DDC: variants seen among roughly 807,000 people sequenced by gnomAD.
The protein encoded by DDC is aromatic-L-amino-acid decarboxylase.
A neutral mutation model predicts 60.0 loss-of-function variants in DDC; 43 were observed. That is an observed-to-expected ratio of 0.72 (90% confidence interval 0.56 to 0.92). DDC has a LOEUF of 0.92. Among genes scored for constraint, DDC ranks in the 40% least tolerant of loss-of-function variants. The pLI, the probability that DDC is intolerant of heterozygous loss-of-function variation, is 0.00. For synonymous variants in DDC, 232 were observed against 234.6 expected, an observed-to-expected ratio of 0.99 and a Z score of 0.10; for missense variants, 573 against 620.2, an observed-to-expected ratio of 0.92 and a Z score of 0.81.
At chr7:50,508,205 G>A (rs1343705727) in intron 6 of DDC, among the ~76,000 whole-genome samples, 1 of 152,232 alleles carries the variant, frequency 6.6e-6, no homozygotes, top group Non-Finnish European at 1.5e-5. Context: ...AAGTCAGCCT[G>A]TCCTAATTCT....
chr7:50,470,762 T>A (rs919758970), intron 11 of DDC, among the ~76,000 whole-genome samples: 1 of 152,294 alleles, frequency 6.6e-6, no homozygotes, highest in East Asian at 1.9e-4. Context: ...GCTTTCCCTG[T>A]CCTTCCTCTG....
Position 50,528,190 on chromosome 7 carries a change from C to T in DDC, c.661G>A (p.Ala221Thr), listed in dbSNP as rs2044094651. Residue 221 changes from alanine (A) to threonine (T), a missense_variant, in exon 6 of 15, where the codon GCC becomes ACC. By Grantham distance (58) the Ala-to-Thr change is moderately conservative (BLOSUM62 0). Transcript: ENST00000444124. ...SDGNFAMRAS[A>T]LQEALERDKA... is the part of the protein sequence containing the mutation. The stretch of plus-strand genomic sequence containing the variant: ...TCTCTCTCCAGGGCTTCCTGCAGGG[C>T]AGACGCACGCATGGCGAAGTTGCCA... The T allele has an allele frequency of 6.2e-7, 1 of 1,613,970 alleles. No homozygotes were observed. Among genetic ancestry groups the T allele is most frequent in the Non-Finnish European group, 8.5e-7 (1 of 1,180,044 alleles).
chr7:50,539,564 A>C (rs922665393), intron 3 of DDC, among the ~76,000 whole-genome samples: 6 of 152,126 alleles, frequency 3.9e-5, no homozygotes, highest in Admixed American at 3.9e-4. Context: ...CGCGGTTCTC[A>C]AGCTTTGGAG....
chr7:50,549,711 C>T (rs1398749405), intron 1 of DDC, among the ~76,000 whole-genome samples: 1 of 150,034 alleles, frequency 6.7e-6, no homozygotes, highest in East Asian at 1.9e-4. Context: ...ACAATATCAA[C>T]ATTAACAGGA....
chr7:50,485,058 A>G (rs2042853416), intron 9 of DDC, among the ~76,000 whole-genome samples: 1 of 152,106 alleles, frequency 6.6e-6, no homozygotes, highest in Admixed American at 6.6e-5. Flanking sequence ...AGAGAAATAG[A>G]ATTTTTAAAA....
rs555739889 is a variant in DDC at position 50,503,453 on chromosome 7, G to A, written c.781+540C>T. On this transcript the variant is annotated intron_variant, in intron 7 of 14. Transcript: ENST00000444124. ...AAACCTAGGATCTCTGAATGAGGAA[G>A]GGAGGAGGTGAGAGTGACCAGGAAA... 2.0e-5 allele frequency among the ~76,000 whole-genome samples: 3 copies of A among 152,358 alleles called. No homozygotes were observed. The East Asian group carries it at 5.8e-4, about 29-fold the overall frequency.
rs142186300 is a variant in DDC, at chr7:50,507,421, G to A, written c.715-3362C>T. 8.3e-3 allele frequency among the ~76,000 whole-genome samples: 1,255 copies of A among 152,090 alleles called. 17 individuals carry two copies. The highest frequency in any genetic ancestry group is 0.028 in the African/African-American group (1,161 of 41,468). ...AATTTTTTGTATTTTTAGTAGAGAC[G>A]GGGTTTCACCATGTTGGCTAGGCTG... On this transcript the variant is annotated intron_variant, in intron 6 of 14. Transcript: ENST00000444124.
chr7:50,492,655 G>T, intron 9 of DDC: 2 of 1,151,970 alleles, frequency 1.7e-6, no homozygotes, highest in South Asian at 2.0e-5. Context: ...TGTGTCTTAG[G>T]GCTTACGTTT....
chr7:50,489,836 C>T (rs1418925877), intron 9 of DDC, among the ~76,000 whole-genome samples: 1 of 152,046 alleles, frequency 6.6e-6, no homozygotes, highest in African/African-American at 2.4e-5. Context: ...GGACATTAAC[C>T]CATTCTTTAA....
chr7:50,564,805 G>A (rs1257924963), intron 1 of DDC, among the ~76,000 whole-genome samples: 3 of 152,092 alleles, frequency 2.0e-5, no homozygotes, highest in Admixed American at 6.5e-5. Flanking sequence ...ACACCAAAAG[G>A]AGAGAGCCCT....
At chr7:50,514,586 A>T (rs898062052) in intron 6 of DDC, among the ~76,000 whole-genome samples, 3 of 152,216 alleles carry the variant, frequency 2.0e-5, no homozygotes, top group African/African-American at 7.2e-5. Flanking sequence ...ACAAAACAAT[A>T]CAAGAAGTAA....
intron 10 of DDC, among the ~76,000 whole-genome samples, chr7:50,479,393 G>GC (rs1333168975): frequency 1.3e-5 from 2 of 152,172 alleles, no homozygotes; most frequent in African/African-American, 4.8e-5. Flanking sequence ...CATTTACTTT[G>GC]CCCCCTCATG....
rs372527659 is a variant in DDC at position 50,501,245 on chromosome 7, GC to G, written c.782-2004del. On this transcript the variant is annotated intron_variant, in intron 7 of 14. Transcript: ENST00000444124. ...CAGCTGCACGTCCTCTCTCAGTTATGCTGGCACCTCAGGATGCAGCTTTGGC... is the reference window on the plus strand; with the variant it reads ...CAGCTGCACGTCCTCTCTCAGTTATGTGGCACCTCAGGATGCAGCTTTGGC... Among the ~76,000 whole-genome samples, 79 of 152,316 alleles carry G rather than the reference GC, an allele frequency of 5.2e-4. 1 individual carries two copies. Among genetic ancestry groups the G allele is most frequent in the Middle Eastern group, 6.8e-3 (2 of 294 alleles).
At chr7:50,476,363 G>A (rs1316412296) in intron 11 of DDC, among the ~76,000 whole-genome samples, 1 of 152,306 alleles carries the variant, frequency 6.6e-6, no homozygotes, top group East Asian at 1.9e-4. Context: ...GGAATGAGGG[G>A]CAGAAGCTCC....
At chr7:50,563,577 G>A (rs1355702400) in intron 1 of DDC, among the ~76,000 whole-genome samples, 2 of 152,246 alleles carry the variant, frequency 1.3e-5, no homozygotes, top group East Asian at 3.9e-4. Context: ...TCTTGGCAGA[G>A]TAAAACTTTC....
intron 9 of DDC, among the ~76,000 whole-genome samples, chr7:50,480,820 G>A (rs942094447): frequency 3.3e-5 from 5 of 152,268 alleles, no homozygotes; most frequent in Admixed American, 3.3e-4. Flanking sequence ...GAGTGAGAAG[G>A]CCAGGATGCC....
chr7:50,504,340 A>G (rs2043336394), intron 6 of DDC, among the ~76,000 whole-genome samples: 1 of 152,216 alleles, frequency 6.6e-6, no homozygotes. Flanking sequence ...TGGGGCAGAC[A>G]TGAAGCAATC....
At position 50,503,977 on chromosome 7, in the gene DDC, G is replaced by A; in HGVS notation, c.781+16C>T. The A allele has an allele frequency of 6.3e-7, 1 of 1,597,816 alleles. No homozygotes were observed. The highest frequency in any genetic ancestry group is 8.6e-7 in the Non-Finnish European group (1 of 1,165,158). ...AGAGAACATTTTCCAAAAAGAAAAT[G>A]GAATCGGATACTTACAGATAGGACC... is the stretch of plus-strand genomic sequence containing the variant. On this transcript the variant is annotated intron_variant, in intron 7 of 14. Coordinates refer to ENST00000444124, the MANE Select transcript of DDC (RefSeq NM_001082971.2).
chr7:50,524,559 A>C (rs1373248781), intron 6 of DDC, among the ~76,000 whole-genome samples: 1 of 152,250 alleles, frequency 6.6e-6, no homozygotes, highest in Non-Finnish European at 1.5e-5. Flanking sequence ...ATAGTGAATA[A>C]GCACATGAAA....
Sources: gnomAD v4.1 joint callset for allele counts (sites outside exome capture counted in the v4.1 genomes callset) on GRCh38, gnomAD v4.1.1 for gene constraint, MANE v1.5 for transcripts, NCBI Gene and HGNC (gene_info 2026-07-23, HGNC 2026-07-21) for gene names.